The following MAD1L1 variants were observed in gnomAD, a reference collection of about 807,000 sequenced individuals.
The protein encoded by MAD1L1 is mitotic arrest deficient 1 like 1.
Under a neutral mutation model 96.9 loss-of-function variants are expected in MAD1L1, and 95 were observed. That is an observed-to-expected ratio of 0.98 (90% CI 0.83 to 1.16). MAD1L1 has a LOEUF of 1.16. Ranked by LOEUF, MAD1L1 falls within the 50% of genes most tolerant of loss-of-function variation. The probability of loss-of-function intolerance (pLI) is 0.00; values close to 1 mark genes in which losing one functional copy is unlikely to be tolerated. For missense variants in MAD1L1, 1,007 were observed against 954.4 expected (o/e 1.06, Z -0.73); for synonymous variants, 473 against 396.6 (o/e 1.19, Z -2.29).
intron 11 of MAD1L1, among the ~76,000 whole-genome samples, chr7:2,086,512 C>T (rs887050551): frequency 4.6e-5 from 7 of 152,220 alleles, no homozygotes; most frequent in Admixed American, 2.0e-4. Flanking sequence ...AAGCCGTAAA[C>T]GCTGCAGGCA....
At chr7:2,174,658 A>G (rs1204301149) in intron 10 of MAD1L1, among the ~76,000 whole-genome samples, 1 of 151,712 alleles carries the variant, frequency 6.6e-6, no homozygotes, top group Admixed American at 6.6e-5. Flanking sequence ...TTTTTTCCCC[A>G]TATCTGTTCA....
chr7:2,200,174 C>G (rs1792211343), intron 10 of MAD1L1: 1 of 152,340 alleles, frequency 6.6e-6, no homozygotes, highest in Admixed American at 6.5e-5. Flanking sequence ...CCTACGCTAA[C>G]ATAGCACGCG....
At chr7:1,943,494 A>G (rs1482636684) in intron 16 of MAD1L1, among the ~76,000 whole-genome samples, 2 of 152,366 alleles carry the variant, frequency 1.3e-5, no homozygotes, top group South Asian at 2.1e-4. Flanking sequence ...ACAGACTTCT[A>G]TGAGTTCAAT....
intron 12 of MAD1L1, among the ~76,000 whole-genome samples, chr7:2,040,405 C>G (rs1039291305): frequency 1.3e-5 from 2 of 152,164 alleles, no homozygotes; most frequent in African/African-American, 4.8e-5. Context: ...ATCGTATTCC[C>G]AGGTCTCATC....
chr7:2,094,595 C>A (rs921729778), intron 11 of MAD1L1, among the ~76,000 whole-genome samples: 7 of 152,158 alleles, frequency 4.6e-5, no homozygotes, highest in South Asian at 4.1e-4. Context: ...AAGGCTGCTG[C>A]TATCCAGACA....
intron 18 of MAD1L1, among the ~76,000 whole-genome samples, chr7:1,832,716 C>T (rs1159690662): frequency 1.1e-5 from 1 of 90,856 alleles, no homozygotes; most frequent in Admixed American, 1.1e-4. Context: ...ACTGCAACCT[C>T]CACCTCCCAG....
intron 18 of MAD1L1, among the ~76,000 whole-genome samples, chr7:1,873,366 A>G (rs969303980): frequency 6.9e-6 from 1 of 145,034 alleles, no homozygotes; most frequent in African/African-American, 2.6e-5. Flanking sequence ...GGGTGGGAGC[A>G]GGGGCAGGGC....
intron 10 of MAD1L1, among the ~76,000 whole-genome samples, chr7:2,168,680 C>T (rs1208670643): frequency 6.6e-6 from 1 of 152,228 alleles, no homozygotes; most frequent in Non-Finnish European, 1.5e-5. Flanking sequence ...GTGGGTGAAC[C>T]AGCCGCGAGA....
In MAD1L1 at chr7:1,913,234, C is replaced by T. The variant is rs369580250; in HGVS notation, c.1808-14844G>A. Among the ~76,000 whole-genome samples the T allele has an allele frequency of 1.6e-4, 24 of 152,188 alleles. 1 individual carries two copies. Among genetic ancestry groups the T allele is most frequent in the African/African-American group, 5.8e-4 (24 of 41,516 alleles). ...CTCGGGAAGAGGACACGGAACTGCTCCAGTAATTGGAGCAGCCAGACACAG... is the reference window on the plus strand; with the variant it reads ...CTCGGGAAGAGGACACGGAACTGCTTCAGTAATTGGAGCAGCCAGACACAG... On this transcript the variant is annotated intron_variant, in intron 17 of 18. Transcript: ENST00000265854.
chr7:2,139,016 A>G (rs940496260), intron 11 of MAD1L1, among the ~76,000 whole-genome samples: 1 of 152,116 alleles, frequency 6.6e-6, no homozygotes, highest in African/African-American at 2.4e-5. Flanking sequence ...GGAGAGGCCC[A>G]AGGTCCCAGC....
intron 10 of MAD1L1, among the ~76,000 whole-genome samples, chr7:2,187,535 C>G (rs771507137): frequency 2.0e-5 from 3 of 152,184 alleles, no homozygotes; most frequent in Non-Finnish European, 2.9e-5. Context: ...CAGGCACAAT[C>G]ACAGCTCCCA....
At chr7:2,093,678 G>A (rs1018053784) in intron 11 of MAD1L1, among the ~76,000 whole-genome samples, 5 of 152,178 alleles carry the variant, frequency 3.3e-5, no homozygotes, top group African/African-American at 4.8e-5. Flanking sequence ...CAGATCCGGC[G>A]AACCTAGAAG....
rs559389731 is a variant in MAD1L1 at position 2,164,463 on chromosome 7, G to A, written c.987-15225C>T. Among the ~76,000 whole-genome samples the A allele has an allele frequency of 4.5e-3, 686 of 152,298 alleles. 8 individuals are homozygous for A. The highest frequency in any genetic ancestry group is 0.016 in the African/African-American group (647 of 41,560). On this transcript the variant is annotated intron_variant, in intron 10 of 18. Coordinates refer to ENST00000265854, the MANE Select transcript of MAD1L1 (RefSeq NM_001013836.2). ...CCCTGGACCCCTGTGACGGTTGCTG[G>A]TGCCCACGCCCATCGCCCGAGCAGG...
chr7:1,861,225 G>A (rs1784529658), intron 18 of MAD1L1, among the ~76,000 whole-genome samples: 3 of 152,192 alleles, frequency 2.0e-5, no homozygotes, highest in African/African-American at 7.2e-5. Flanking sequence ...GGGGAGCAGG[G>A]CAGGTGCTGG....
chr7:2,149,561 G>A (rs1789469375), intron 10 of MAD1L1, among the ~76,000 whole-genome samples: 1 of 152,184 alleles, frequency 6.6e-6, no homozygotes, highest in South Asian at 2.1e-4. Flanking sequence ...CCAGGCCCCT[G>A]GCACAGGGGA....
At chr7:2,100,736 A>G (rs6977066) in intron 11 of MAD1L1, among the ~76,000 whole-genome samples, 1,623 of 152,356 alleles carry the variant, frequency 0.011, 22 homozygotes, top group African/African-American at 0.037. Flanking sequence ...TCATCTTGGC[A>G]GCTCATTCTG....
intron 18 of MAD1L1, among the ~76,000 whole-genome samples, chr7:1,876,814 G>T (rs1210759238): frequency 1.3e-5 from 2 of 149,474 alleles, no homozygotes; most frequent in African/African-American, 4.9e-5. Context: ...TGCCAGGGCT[G>T]CCCGGTCTTT....
At position 1,892,456 on chromosome 7, in the gene MAD1L1, A is replaced by T. The variant is rs10255204; in HGVS notation, c.1998+5744T>A. Among the ~76,000 whole-genome samples, 256 of 152,170 alleles carry T rather than the reference A, an allele frequency of 1.7e-3. 5 individuals carry two copies. The highest frequency in any genetic ancestry group is 6.8e-3 in the Middle Eastern group (2 of 294). On this transcript the variant is annotated intron_variant, in intron 18 of 18. Transcript: ENST00000265854. ...AAGTGTCTGGGATTTCCAGATTTTC[A>T]GGTTGTCAGAATATCTGTATTACGT...
At chr7:2,136,354 T>C (rs1788751768) in intron 11 of MAD1L1, among the ~76,000 whole-genome samples, 1 of 152,084 alleles carries the variant, frequency 6.6e-6, no homozygotes, top group Non-Finnish European at 1.5e-5. Context: ...CTCCACAACC[T>C]TGGGGAAACT....
Sources: allele counts gnomAD v4.1 joint callset (sites outside exome capture counted in the v4.1 genomes callset), GRCh38; gene constraint gnomAD v4.1.1; transcripts MANE v1.5; gene names NCBI Gene and HGNC (gene_info 2026-07-23, HGNC 2026-07-21).